Variants in TRIO observed in about 807,000 individuals in gnomAD.
TRIO encodes triple functional domain protein.
In TRIO, 58 loss-of-function variants were observed where a neutral mutation model predicts 351.9. The ratio of observed to expected loss-of-function variants is 0.16; its 90% CI spans 0.13 to 0.21. The LOEUF (loss-of-function observed/expected upper bound fraction) is 0.21, where lower values mean the gene tolerates loss of function less well. Among genes scored for constraint, TRIO ranks in the 10% least tolerant of loss-of-function variants. The pLI is 1.00. For synonymous variants in TRIO, 1,758 were observed against 1,595.7 expected (o/e 1.10, Z -2.42); for missense variants, 3,201 against 4,027.8 (o/e 0.79, Z 5.56).
intron 9 of TRIO, among the ~76,000 whole-genome samples, chr5:14,320,558 A>G (rs1353013346): frequency 6.6e-6 from 1 of 152,070 alleles, no homozygotes; most frequent in African/African-American, 2.4e-5. Context: ...TCTTGGCAGG[A>G]CCCTCCAGGG....
Position 14,316,532 on chromosome 5 carries a change from C to A in TRIO, c.1520C>A (p.Ser507Ter). ...AYSEVSQDGK[S>*]LLDKLQRPLT... ...GGGCAGGTCAGCCAAGATGGGAAGT[C>A]GCTCCTTGACAAGCTCCAGCGGCCC... Residue 507 changes from serine to a stop codon, truncating the protein, a stop_gained, in exon 9 of 57, where the codon TCG becomes TAG. Coordinates refer to ENST00000344204, the MANE Select transcript of TRIO (RefSeq NM_007118.4). LOFTEE classifies it high-confidence loss of function. 6.2e-7 allele frequency: 1 copy of A among 1,614,054 alleles called. No individual in the cohort carries two copies. Among genetic ancestry groups the A allele is most frequent in the South Asian group, 1.1e-5 (1 of 91,044 alleles).
chr5:14,235,916 T>C (rs1199675353), intron 1 of TRIO, among the ~76,000 whole-genome samples: 2 of 152,154 alleles, frequency 1.3e-5, no homozygotes, highest in African/African-American at 4.8e-5. Flanking sequence ...CCTTCCATTT[T>C]GGCCTCCCAA....
Position 14,276,730 on chromosome 5 carries a change from C to T in TRIO, c.233-3592C>T, listed in dbSNP as rs532863882. Among the ~76,000 whole-genome samples the T allele has an allele frequency of 3.3e-5, 5 of 152,310 alleles. No homozygotes were observed. In the South Asian group the frequency reaches 1.0e-3, roughly 32 times the overall value. On this transcript the variant is annotated intron_variant, in intron 2 of 56. Transcript: ENST00000344204. ...ATTTTACTCCTCAAAGCAAGCGTGGCTTTCTTGCAAGTTCTTTCTAAATAA... is the reference window on the plus strand; with the variant it reads ...ATTTTACTCCTCAAAGCAAGCGTGGTTTTCTTGCAAGTTCTTTCTAAATAA...
chr5:14,274,650 G>C (rs1295711755), intron 2 of TRIO, among the ~76,000 whole-genome samples: 6 of 152,142 alleles, frequency 3.9e-5, no homozygotes, highest in Non-Finnish European at 8.8e-5. Flanking sequence ...GGAGAAGTAG[G>C]ATAAGTGATT....
At chr5:14,159,122 G>A (rs985397709) in intron 1 of TRIO, among the ~76,000 whole-genome samples, 2 of 152,082 alleles carry the variant, frequency 1.3e-5, no homozygotes, top group Non-Finnish European at 2.9e-5. Flanking sequence ...TCTGACGTGC[G>A]TCTCTTATGG....
At chr5:14,501,738 C>T (rs976362347) in intron 53 of TRIO, among the ~76,000 whole-genome samples, 17 of 152,160 alleles carry the variant, frequency 1.1e-4, no homozygotes, top group African/African-American at 3.6e-4. Context: ...GGCAGATGCT[C>T]GGCCTGGGCT....
At chr5:14,179,870 T>A (rs540707900) in intron 1 of TRIO, among the ~76,000 whole-genome samples, 1 of 152,160 alleles carries the variant, frequency 6.6e-6, no homozygotes, top group African/African-American at 2.4e-5. Context: ...GGTGGGTGGA[T>A]CACCTGAGGT....
At chr5:14,181,507 G>A (rs1185353856) in intron 1 of TRIO, among the ~76,000 whole-genome samples, 5 of 152,214 alleles carry the variant, frequency 3.3e-5, no homozygotes, top group African/African-American at 4.8e-5. Context: ...GATGGCCTTT[G>A]TGCCAGATTG....
chr5:14,290,589 A>G (rs1736821568), intron 4 of TRIO, 127 bp from the exon 5 acceptor site: 1 of 951,246 alleles, frequency 1.1e-6, no homozygotes, highest in Non-Finnish European at 1.5e-6. Context: ...AGAACCAGGT[A>G]TGTTATGTTT....
intron 4 of TRIO, 79 bp from the exon 5 acceptor site, chr5:14,290,637 C>T: frequency 7.1e-7 from 1 of 1,413,664 alleles, no homozygotes; most frequent in Non-Finnish European, 9.5e-7. Flanking sequence ...AAACCTGTGA[C>T]TGAGCATTGC....
intron 1 of TRIO, among the ~76,000 whole-genome samples, chr5:14,181,680 C>T (rs572942574): frequency 7.9e-5 from 12 of 152,316 alleles, no homozygotes; most frequent in African/African-American, 2.9e-4. Context: ...GTCCTGAAAA[C>T]GCTGGCTGCC....
intron 40 of TRIO, among the ~76,000 whole-genome samples, chr5:14,474,829 T>C (rs773585286): frequency 3.6e-4 from 55 of 152,094 alleles, no homozygotes; most frequent in Non-Finnish European, 7.2e-4. Flanking sequence ...CGCAGCACCA[T>C]GTGCAGCTAA....
At chr5:14,380,735 TTATAAATCATTCTAC>T (rs1746029962) in intron 20 of TRIO, among the ~76,000 whole-genome samples, 1 of 152,178 alleles carries the variant, frequency 6.6e-6, no homozygotes, top group African/African-American at 2.4e-5. Flanking sequence ...ACCCAAAGAA[TTATAAATCATTCTAC>T]TATAAACTCA....
intron 33 of TRIO, among the ~76,000 whole-genome samples, chr5:14,411,250 C>A (rs1749172553): frequency 6.6e-6 from 1 of 152,186 alleles, no homozygotes; most frequent in Admixed American, 6.5e-5. Flanking sequence ...AAAGACACAT[C>A]TTTAAAAATT....
At chr5:14,323,640 A>C (rs1166855239) in intron 9 of TRIO, among the ~76,000 whole-genome samples, 3 of 152,242 alleles carry the variant, frequency 2.0e-5, no homozygotes, top group Non-Finnish European at 2.9e-5. Flanking sequence ...CCGCATGGCG[A>C]TTAGACAGCT....
intron 16 of TRIO, among the ~76,000 whole-genome samples, chr5:14,368,423 T>A (rs536318879): frequency 7.9e-5 from 12 of 152,202 alleles, no homozygotes; most frequent in Non-Finnish European, 1.5e-4. Context: ...TAAGGGTCTT[T>A]CCTGCTATTT....
At chr5:14,240,203 G>A (rs188102114) in intron 1 of TRIO, among the ~76,000 whole-genome samples, 1 of 152,308 alleles carries the variant, frequency 6.6e-6, no homozygotes, top group East Asian at 1.9e-4. Context: ...GAAGCCTGAA[G>A]TTTATTTCCT....
chr5:14,210,701 T>C (rs963549715), intron 1 of TRIO, among the ~76,000 whole-genome samples: 1 of 152,214 alleles, frequency 6.6e-6, no homozygotes, highest in Admixed American at 6.5e-5. Flanking sequence ...ATCATAGATA[T>C]CACCCTTATT....
intron 41 of TRIO, among the ~76,000 whole-genome samples, chr5:14,478,512 T>A (rs1344507055): frequency 6.6e-6 from 1 of 152,174 alleles, no homozygotes. Context: ...GATCACTGAT[T>A]TATGGAAAGG....
Sources: gnomAD v4.1 joint callset for allele counts (sites outside exome capture counted in the v4.1 genomes callset) on GRCh38, gnomAD v4.1.1 for gene constraint, MANE v1.5 for transcripts, NCBI Gene and HGNC (gene_info 2026-07-23, HGNC 2026-07-21) for gene names.